Variants in SYNCRIP observed in about 807,000 individuals in gnomAD.
The protein encoded by SYNCRIP is heterogeneous nuclear ribonucleoprotein Q.
In SYNCRIP, 9 loss-of-function variants were observed where a neutral mutation model predicts 68.9. The observed-to-expected ratio is 0.13, with a 90% CI of 0.08 to 0.23. The LOEUF is 0.23. SYNCRIP is among the 10% of genes least tolerant of loss of function. SYNCRIP has a pLI of 1.00. For synonymous variants in SYNCRIP, 258 were observed against 254.0 expected (o/e 1.02, Z -0.15); for missense variants, 414 against 770.6 (o/e 0.54, Z 5.48).
chr6:85,626,584 C>A (rs567199005), intron 6 of SYNCRIP, among the ~76,000 whole-genome samples: 2 of 152,224 alleles, frequency 1.3e-5, no homozygotes, highest in South Asian at 4.1e-4. Flanking sequence ...CAAGAAAATA[C>A]ACCATTGAGA....
chr6:85,642,292 C>T (rs1809277097), intron 1 of SYNCRIP, among the ~76,000 whole-genome samples: 1 of 152,168 alleles, frequency 6.6e-6, no homozygotes, highest in Admixed American at 6.5e-5. Flanking sequence ...CCCGGCCGCC[C>T]GCCCGGCCGA....
At chr6:85,640,188 CTT>C (rs1562115693) in intron 4 of SYNCRIP, 31 bp downstream of exon 4, 5 of 1,467,812 alleles carry the variant, frequency 3.4e-6, no homozygotes, top group Non-Finnish European at 4.7e-6. Context: ...GTTAAAATGA[CTT>C]TAAAACTAAA....
chr6:85,634,079 A>G (rs1193411991), intron 6 of SYNCRIP, among the ~76,000 whole-genome samples: 1 of 152,250 alleles, frequency 6.6e-6, no homozygotes, highest in Non-Finnish European at 1.5e-5. Flanking sequence ...CGCCAATCAA[A>G]AAGAATGCTT....
At chr6:85,633,866 T>C (rs188784510) in intron 6 of SYNCRIP, among the ~76,000 whole-genome samples, 7 of 152,168 alleles carry the variant, frequency 4.6e-5, no homozygotes, top group Non-Finnish European at 8.8e-5. Flanking sequence ...AATCAATCCT[T>C]GCACCTCAGC....
chr6:85,637,474 A>G lies in SYNCRIP; in HGVS notation c.376-118T>C, dbSNP rs1446222803. On this transcript the variant is annotated intron_variant, in intron 4 of 10. Coordinates refer to ENST00000369622, the MANE Select transcript of SYNCRIP (RefSeq NM_006372.5). Reference sequence around the variant, plus strand: ...ATTATCTTGGCATGTTCCCTTATAAAAACAGGTTTGTGATGTCTGTTTTAA... The same window carrying G: ...ATTATCTTGGCATGTTCCCTTATAAGAACAGGTTTGTGATGTCTGTTTTAA... 6 of 548,380 alleles carry G rather than the reference A, an allele frequency of 1.1e-5. No homozygotes were observed. The Admixed American group carries it at 2.7e-4, about 25-fold the overall frequency. 34.0% of individuals were successfully genotyped at this position (548,380 alleles called of 1,614,324 possible). A position where few individuals can be genotyped will look rare whatever the true frequency, so the allele number is the denominator to read the frequency against.
chr6:85,611,543 T>C (rs1583231831), downstream of SYNCRIP: 2 of 152,534 alleles, frequency 1.3e-5, no homozygotes, highest in East Asian at 3.8e-4. Flanking sequence ...GGGATTTCTT[T>C]ACACCAAGTC....
At chr6:85,613,896 C>CTT, downstream of SYNCRIP, 1 of 897,540 alleles carries the variant, frequency 1.1e-6, no homozygotes, top group Non-Finnish European at 1.3e-6. Context: ...CCTGCAAACC[C>CTT]TTTGAGACTA....
chr6:85,637,901 T>C (rs1000031201), intron 4 of SYNCRIP, among the ~76,000 whole-genome samples: 6 of 152,218 alleles, frequency 3.9e-5, no homozygotes, highest in Non-Finnish European at 8.8e-5. Flanking sequence ...CCATATTTCA[T>C]GGGATAGCAT....
chr6:85,622,760 C>T, intron 7 of SYNCRIP, 73 bp from the exon 8 acceptor site: 2 of 1,142,036 alleles, frequency 1.8e-6, no homozygotes, highest in Non-Finnish European at 2.6e-6. Flanking sequence ...AAGGATTTAT[C>T]TAAGATACTA....
chr6:85,614,866 G>T lies in SYNCRIP; in HGVS notation c.1762C>A (p.Gln588Lys), dbSNP rs1165333652. 1.9e-6 allele frequency: 3 copies of T among 1,614,004 alleles called. No homozygotes were observed. The African/African-American group carries it at 4.0e-5, about 22-fold the overall frequency. The part of the protein sequence containing the change: ...RQTNNQNWGS[Q>K]PIAQQPLQGG... ...TGGAGCGGTTGCTGAGCAATGGGTT[G>T]GGAGCCCCAGTTCTGATTATTGGTC... Residue 588 changes from glutamine (Q) to lysine (K), a missense_variant, in exon 11 of 11, where the codon CAA becomes AAA. Gln to Lys is a moderately conservative substitution (Grantham distance 53). Around this residue, in one of 6 missense-constraint regions of SYNCRIP, gnomAD observed 130 missense variants for 149.0 expected, o/e 0.87. Coordinates refer to ENST00000369622, the MANE Select transcript of SYNCRIP (RefSeq NM_006372.5).
downstream of SYNCRIP, chr6:85,609,791 C>CT (rs1029398956): frequency 1.3e-4 from 20 of 152,030 alleles, no homozygotes; most frequent in African/African-American, 4.1e-4. Context: ...CATCAGAATG[C>CT]TTTAAGAATA....
intron 10 of SYNCRIP, 96 bp downstream of exon 10, chr6:85,618,722 T>C: frequency 9.8e-7 from 1 of 1,023,492 alleles, no homozygotes; most frequent in Non-Finnish European, 1.4e-6. Flanking sequence ...AAAGAGATGT[T>C]ATGCATTTAA....
chr6:85,634,946 G>A (rs1205099775), intron 6 of SYNCRIP, among the ~76,000 whole-genome samples: 3 of 152,144 alleles, frequency 2.0e-5, no homozygotes, highest in African/African-American at 7.2e-5. Context: ...AAGGCGGGCA[G>A]ATTACTTGAG....
In SYNCRIP at chr6:85,637,372, C is replaced by A; in HGVS notation, c.376-16G>T. ...CCAAGAGTGCCTTGAAAAGTTCAAA[C>A]GTCATTAATACATTTAATTCACTAG... is the stretch of plus-strand genomic sequence containing the variant. On this transcript the variant is annotated splice_polypyrimidine_tract_variant and intron_variant, in intron 4 of 10. Coordinates refer to ENST00000369622, the MANE Select transcript of SYNCRIP (RefSeq NM_006372.5). The A allele has an allele frequency of 2.6e-6, 4 of 1,530,524 alleles. No individual in the cohort carries two copies. Among genetic ancestry groups the A allele is most frequent in the Middle Eastern group, 2.1e-4 (1 of 4,846 alleles). 94.8% of individuals were successfully genotyped at this position (1,530,524 alleles called of 1,614,324 possible). A position where few individuals can be genotyped will look rare whatever the true frequency, so the allele number is the denominator to read the frequency against.
intron 6 of SYNCRIP, among the ~76,000 whole-genome samples, chr6:85,628,056 T>TC (rs1491249930): frequency 1.3e-5 from 2 of 152,018 alleles, no homozygotes; most frequent in Non-Finnish European, 1.5e-5. Flanking sequence ...ATTGAAGATT[T>TC]CTTTTTTTTT....
chr6:85,618,978 T>C, intron 9 of SYNCRIP, 39 bp from the exon 10 acceptor site: 1 of 1,564,138 alleles, frequency 6.4e-7, no homozygotes, highest in Non-Finnish European at 8.7e-7. Flanking sequence ...AATAGGACTT[T>C]CATACAATTA....
At chr6:85,624,145 ATTAC>A (rs779616077) in intron 6 of SYNCRIP, 33 bp from the exon 7 acceptor site, 10 of 1,594,750 alleles carry the variant, frequency 6.3e-6, no homozygotes, top group Non-Finnish European at 8.6e-6. Context: ...ATGTTTTTAA[ATTAC>A]TTATACAACT....
intron 6 of SYNCRIP, among the ~76,000 whole-genome samples, chr6:85,635,962 G>A (rs1808396485): frequency 2.0e-5 from 3 of 152,112 alleles, no homozygotes; most frequent in Middle Eastern, 6.8e-3. Context: ...GCCAGATAAA[G>A]CAAATTTAAC....
At chr6:85,618,793 T>A in intron 10 of SYNCRIP, 25 bp downstream of exon 10, 1 of 1,549,516 alleles carries the variant, frequency 6.5e-7, no homozygotes. Context: ...TTTATACAAT[T>A]TTTAAGTATA....
Sources: allele counts gnomAD v4.1 joint callset (sites outside exome capture counted in the v4.1 genomes callset), GRCh38; gene constraint gnomAD v4.1.1; regional missense constraint gnomAD v4.1.1; transcripts MANE v1.5; gene names NCBI Gene and HGNC (gene_info 2026-07-23, HGNC 2026-07-21).